The following ACTN1 variants were observed in gnomAD, a reference collection of about 807,000 sequenced individuals.
ACTN1 encodes the protein actinin alpha 1, also known as alpha-actinin-1.
ACTN1 carries 30 observed loss-of-function variants against 119.6 expected under a neutral mutation model. That is an observed-to-expected ratio of 0.25 (90% CI 0.19 to 0.34). ACTN1 has a LOEUF of 0.34. ACTN1 is among the 10% of genes least tolerant of loss of function. The pLI is 1.00. For synonymous variants in ACTN1, 429 were observed against 472.6 expected (o/e 0.91, Z 1.20); for missense variants, 764 against 1,223.4 (o/e 0.62, Z 5.60).
rs1439390431 is a variant in ACTN1 at position 68,885,184 on chromosome 14, C to T, written c.1385+241G>A. ...AAAGCTCAGAACCAAGTCTTGGTCA[C>T]CCTCTGCTCCTGTACTAGCTACAGG... is the stretch of plus-strand genomic sequence containing the variant. On this transcript the variant is annotated intron_variant, in intron 12 of 21. Coordinates refer to ENST00000394419, the MANE Select transcript of ACTN1 (RefSeq NM_001130004.2). The surrounding 1 kb of genome is among the most constrained non-coding windows in gnomAD (Gnocchi z 5.6). Among the ~76,000 whole-genome samples, 2 of 152,130 alleles carry T rather than the reference C, an allele frequency of 1.3e-5. No homozygotes were observed. Among genetic ancestry groups the T allele is most frequent in the African/African-American group, 2.4e-5 (1 of 41,422 alleles).
rs370826195 is a variant in ACTN1, at chr14:68,935,314, G to A, written c.106-9642C>T. On this transcript the variant is annotated intron_variant, in intron 1 of 21. Transcript: ENST00000394419. ...GCTGGGATTACAGGCATGAGCTACT[G>A]TGCCTGGCAATGTGGTTGGTTTTTA... is the stretch of plus-strand genomic sequence containing the variant. Among the ~76,000 whole-genome samples the A allele has an allele frequency of 9.5e-3, 1,426 of 149,430 alleles. 19 individuals are homozygous for A. Among genetic ancestry groups the A allele is most frequent in the African/African-American group, 0.033 (1,348 of 40,472 alleles).
chr14:68,897,133 C>T (rs943036915), intron 8 of ACTN1, among the ~76,000 whole-genome samples: 4 of 152,124 alleles, frequency 2.6e-5, no homozygotes, highest in Non-Finnish European at 4.4e-5. Flanking sequence ...CAGGTGCATG[C>T]GCCACTATGT....
In ACTN1 at chr14:68,882,566, G is replaced by A; in HGVS notation, c.1845C>T (p.Asp615=). The A allele has an allele frequency of 1.9e-6, 3 of 1,614,190 alleles. No individual in the cohort carries two copies. Among genetic ancestry groups the A allele is most frequent in the African/African-American group, 2.7e-5 (2 of 75,048 alleles). Residue 615 remains aspartate, a synonymous_variant, in exon 16 of 22, where the codon GAC becomes GAT. Coordinates refer to ENST00000394419, the MANE Select transcript of ACTN1 (RefSeq NM_001130004.2). The surrounding 1 kb of genome is among the most constrained non-coding windows in gnomAD (Gnocchi z 4.5). ...GGGCATGCTCCTCCGTCAGAGCTTGGTCCCTCCGAGGCACCAGCTGCCGCA... is the reference window on the plus strand; with the variant it reads ...GGGCATGCTCCTCCGTCAGAGCTTGATCCCTCCGAGGCACCAGCTGCCGCA... ...DHVRQLVPRR[D]QALTEEHARQ... is the part of the protein sequence containing the mutation.
chr14:68,926,368 T>G (rs1258812597), intron 1 of ACTN1, among the ~76,000 whole-genome samples: 7 of 152,194 alleles, frequency 4.6e-5, no homozygotes, highest in Non-Finnish European at 1.5e-5. Flanking sequence ...TATGATCAGG[T>G]GAGGCAGCAA....
chr14:68,909,182 G>T lies in ACTN1; in HGVS notation c.594+136C>A, dbSNP rs923318847. 11 of 792,828 alleles carry T rather than the reference G, an allele frequency of 1.4e-5. No individual in the cohort carries two copies. The African/African-American group carries it at 1.6e-4, about 11-fold the overall frequency. 49.1% of individuals were successfully genotyped at this position (792,828 alleles called of 1,614,324 possible). A position where few individuals can be genotyped will look rare whatever the true frequency, so the allele number is the denominator to read the frequency against. ...TGTTTTCTCTTCACTTTCAGTTGGG[G>T]CTCTGTCTGGCTATTCTAAGAGGCC... is the stretch of plus-strand genomic sequence containing the variant. On this transcript the variant is annotated intron_variant, in intron 6 of 21. Transcript: ENST00000394419. This position sits in a 1 kb window ranked among gnomAD's most constrained non-coding sequence, Gnocchi z 4.1.
chr14:68,951,007 A>G (rs895817654), intron 1 of ACTN1, among the ~76,000 whole-genome samples: 4 of 152,224 alleles, frequency 2.6e-5, no homozygotes, highest in Non-Finnish European at 2.9e-5. Context: ...CCTTGCCACC[A>G]GCACCAGCCT....
At position 68,925,618 on chromosome 14, in the gene ACTN1, T is replaced by C. The variant is rs1346712457; in HGVS notation, c.160A>G (p.Asn54Asp). The change falls in exon 2 of 22, where the codon AAC becomes GAC. Residue 54 changes from asparagine to aspartate, a missense_variant. Physicochemically the swap from Asn to Asp is conservative, Grantham distance 23. This residue lies in a region of ACTN1 where 64 missense variants were observed against 80.0 expected (regional missense o/e 0.80). Transcript: ENST00000394419. The surrounding 1 kb of genome is among the most constrained non-coding windows in gnomAD (Gnocchi z 4.3). ...HLRKAGTQIE[N>D]IEEDFRDGLK... ...CCATCCCGGAAGTCCTCTTCGATGT[T>C]CTCGATCTGTGTCCCCGCCTTCCGG... 3.1e-6 allele frequency: 5 copies of C among 1,613,560 alleles called. No homozygotes were observed. The highest frequency in any genetic ancestry group is 4.2e-6 in the Non-Finnish European group (5 of 1,179,726).
At chr14:68,944,234 G>A (rs2035856736) in intron 1 of ACTN1, among the ~76,000 whole-genome samples, 2 of 152,240 alleles carry the variant, frequency 1.3e-5, no homozygotes, top group African/African-American at 2.4e-5. Flanking sequence ...GAACACAAAG[G>A]CCATTGAGAA....
At chr14:68,939,366 T>TG (rs2035686189) in intron 1 of ACTN1, among the ~76,000 whole-genome samples, 1 of 152,186 alleles carries the variant, frequency 6.6e-6, no homozygotes, top group South Asian at 2.1e-4. Context: ...GTCCAGTACT[T>TG]GCGACTGGGC....
At chr14:68,936,054 C>G (rs2035487099) in intron 1 of ACTN1, among the ~76,000 whole-genome samples, 1 of 148,744 alleles carries the variant, frequency 6.7e-6, no homozygotes, top group Admixed American at 6.6e-5. Context: ...CCTTCCAGCT[C>G]TGCTAGCGCA....
rs1594797903 is a variant in ACTN1, at chr14:68,909,072, G to A, written c.594+246C>T. ...CTCTGACAAAGCTGCTGTCACAGCT[G>A]TGATATTTTCCTGATGGGCTGTGTA... On this transcript the variant is annotated intron_variant, in intron 6 of 21. Coordinates refer to ENST00000394419, the MANE Select transcript of ACTN1 (RefSeq NM_001130004.2). The surrounding 1 kb of genome is among the most constrained non-coding windows in gnomAD (Gnocchi z 4.1). Among the ~76,000 whole-genome samples, 1 of 152,212 alleles carries A rather than the reference G, an allele frequency of 6.6e-6. No homozygotes were observed. The highest frequency in any genetic ancestry group is 1.9e-4 in the East Asian group (1 of 5,202).
rs769389947 is a variant in ACTN1 at position 68,874,944 on chromosome 14, G to A, written c.2660C>T (p.Ala887Val). Residue 887 changes from alanine (A) to valine (V), a missense_variant, in exon 22 of 22, where the codon GCC (alanine) becomes GTC (valine). Ala to Val is a moderately conservative substitution (Grantham distance 64, BLOSUM62 0). This residue lies in a region of ACTN1 where 102 missense variants were observed against 78.2 expected (regional missense o/e 1.30). Transcript: ENST00000394419. The stretch of plus-strand genomic sequence containing the variant: ...CACGGAGTCGGGGCCGGTGTAGGGG[G>A]CCATCCGCGCGATGCAGTACTCAGC... Reference protein sequence around the residue: ...DQAEYCIARMAPYTGPDSVPG... With the variant: ...DQAEYCIARMVPYTGPDSVPG... 4 of 1,613,258 alleles carry A rather than the reference G, an allele frequency of 2.5e-6. No homozygotes were observed. The South Asian group carries it at 3.3e-5, about 13-fold the overall frequency.
At position 68,979,141 on chromosome 14, in the gene ACTN1, AGGGCTGGGCTGGGCTGGGCTGGCG is replaced by A; in HGVS notation, c.-109_-86del. ...TGCTGCCCTGGCGTGGGGAGGGAGT[AGGGCTGGGCTGGGCTGGGCTGGCG>A]GGGCCGGGCTCGCTCCCCTGCGCCC... On this transcript the variant is annotated 5_prime_UTR_variant, in exon 1 of 22. Coordinates refer to ENST00000394419, the MANE Select transcript of ACTN1 (RefSeq NM_001130004.2). The A allele has an allele frequency of 2.4e-6, 1 of 414,800 alleles. No homozygotes were observed. The highest frequency in any genetic ancestry group is 4.3e-6 in the Non-Finnish European group (1 of 235,004). The allele number at this position is 414,800 out of a possible 1,614,324, so 25.7% of individuals were successfully genotyped here. A position where few individuals can be genotyped will look rare whatever the true frequency, so the allele number is the denominator to read the frequency against.
At chr14:68,941,720 A>G (rs920657638) in intron 1 of ACTN1, among the ~76,000 whole-genome samples, 31 of 151,676 alleles carry the variant, frequency 2.0e-4, no homozygotes, top group African/African-American at 7.5e-4. Context: ...ATGGAAAGGC[A>G]TGAGACAAAA....
chr14:68,946,581 G>A (rs1424165438), intron 1 of ACTN1, among the ~76,000 whole-genome samples: 4 of 152,116 alleles, frequency 2.6e-5, no homozygotes, highest in South Asian at 2.1e-4. Flanking sequence ...CCCTCCCGCT[G>A]GGTCCATGCT....
chr14:68,901,255 T>G lies in ACTN1; in HGVS notation c.762+1222A>C, dbSNP rs530249607. 2.3e-4 allele frequency among the ~76,000 whole-genome samples: 34 copies of G among 145,528 alleles called. 1 individual carries two copies. In the South Asian group the frequency reaches 4.0e-3, roughly 17 times the overall value. ...TTTGTTTTGTTTTTGTTTTGTTTTTTTTTTTTTTTTGAGACAGAGTCTGAC... is the reference window on the plus strand; with the variant it reads ...TTTGTTTTGTTTTTGTTTTGTTTTTGTTTTTTTTTTGAGACAGAGTCTGAC... On this transcript the variant is annotated intron_variant, in intron 8 of 21. Coordinates refer to ENST00000394419, the MANE Select transcript of ACTN1 (RefSeq NM_001130004.2).
At chr14:68,891,488 T>C (rs181486) in intron 10 of ACTN1, among the ~76,000 whole-genome samples, 93,474 of 152,048 alleles carry the variant, frequency 0.61, 29,989 homozygotes, top group East Asian at 0.84. Flanking sequence ...CAAATACATA[T>C]ACTTTAGGAT....
rs963602432 is a variant in ACTN1 at position 68,879,838 on chromosome 14, C to T, written c.2280+124G>A. On this transcript the variant is annotated intron_variant, in intron 18 of 21. Transcript: ENST00000394419. This position sits in a 1 kb window ranked among gnomAD's most constrained non-coding sequence, Gnocchi z 4.9. Reference sequence around the variant, plus strand: ...GGTGCATTGAGTCAGGGCAGGCTGACGGCAGTTTCCCCTTTCTCTCCCTCC... The same window carrying T: ...GGTGCATTGAGTCAGGGCAGGCTGATGGCAGTTTCCCCTTTCTCTCCCTCC... 1.5e-5 allele frequency: 21 copies of T among 1,384,448 alleles called. No homozygotes were observed. The highest frequency in any genetic ancestry group is 8.7e-5 in the African/African-American group (6 of 69,038). The allele number at this position is 1,384,448 out of a possible 1,614,324, so 85.8% of individuals were successfully genotyped here. A position where few individuals can be genotyped will look rare whatever the true frequency, so the allele number is the denominator to read the frequency against.
rs940928486 is a variant in ACTN1 at position 68,925,976 on chromosome 14, T to C, written c.106-304A>G. Reference sequence around the variant, plus strand: ...CTCAAAGACTCATGCCCACCCACATTTGAAAATGCCACAATTCCATTCTTA... The same window carrying C: ...CTCAAAGACTCATGCCCACCCACATCTGAAAATGCCACAATTCCATTCTTA... On this transcript the variant is annotated intron_variant, in intron 1 of 21. Transcript: ENST00000394419. The surrounding 1 kb of genome is among the most constrained non-coding windows in gnomAD (Gnocchi z 4.3). Among the ~76,000 whole-genome samples, 2 of 152,320 alleles carry C rather than the reference T, an allele frequency of 1.3e-5. No homozygotes were observed. The highest frequency in any genetic ancestry group is 2.1e-4 in the South Asian group (1 of 4,824).
Sources: gnomAD v4.1 joint callset for allele counts (sites outside exome capture counted in the v4.1 genomes callset) on GRCh38, gnomAD v4.1.1 for gene constraint, gnomAD v4.1.1 regional missense constraint, Gnocchi (gnomAD v3.1) non-coding constraint, MANE v1.5 for transcripts, NCBI Gene and HGNC (gene_info 2026-07-23, HGNC 2026-07-21) for gene names.